UBN2: variants seen among roughly 807,000 people sequenced by gnomAD.
UBN2 encodes ubinuclein-2.
UBN2 carries 35 observed loss-of-function variants against 120.2 expected under a neutral mutation model. The observed-to-expected ratio is 0.29, with a 90% CI of 0.22 to 0.39. The LOEUF is 0.39. Ranked by LOEUF, UBN2 falls within the 10% of genes least tolerant of loss-of-function variation. The pLI is 1.00. For missense variants in UBN2, 1,693 were observed against 1,663.2 expected (o/e 1.02, Z -0.31); for synonymous variants, 661 against 648.7 (o/e 1.02, Z -0.29).
chr7:139,327,291 C>A, the UBN2 span, among the ~76,000 whole-genome samples: 1 of 152,192 alleles, frequency 6.6e-6, no homozygotes, highest in African/African-American at 2.4e-5. Context: ...CCTCAGCCTC[C>A]CAAAGTGCTG....
chr7:139,273,549 A>G (rs1041693720), intron 10 of UBN2, 139 bp downstream of exon 10: 1 of 569,652 alleles, frequency 1.8e-6, no homozygotes, highest in East Asian at 2.9e-5. Flanking sequence ...TCAAGAGAAG[A>G]TTAATTGGGC....
At position 139,293,202 on chromosome 7, in the gene UBN2, T is replaced by C. The variant is rs1311453655; in HGVS notation, c.3670-30T>C. The C allele has an allele frequency of 7.0e-6, 11 of 1,577,018 alleles. No individual in the cohort carries two copies. In the South Asian group the frequency reaches 1.2e-4, roughly 17 times the overall value. ...AATCAATTTGGGTTGCTTTATTTCT[T>C]ATGTATTTTGACCCCTGGTTTCTGC... On this transcript the variant is annotated intron_variant, in intron 15 of 17. Coordinates refer to ENST00000473989, the MANE Select transcript of UBN2 (RefSeq NM_173569.4).
the UBN2 span, among the ~76,000 whole-genome samples, chr7:139,316,448 A>G: frequency 6.6e-6 from 1 of 152,234 alleles, no homozygotes; most frequent in East Asian, 1.9e-4. Flanking sequence ...GTAATTTTCT[A>G]GGTTCTTTTC....
At chr7:139,308,662 T>A (rs1156273106), downstream of UBN2, among the ~76,000 whole-genome samples, 2 of 152,142 alleles carry the variant, frequency 1.3e-5, no homozygotes, top group Non-Finnish European at 2.9e-5. Flanking sequence ...AGTCCTTGAT[T>A]GTGACTCACT....
intron 7 of UBN2, among the ~76,000 whole-genome samples, chr7:139,267,788 G>A (rs1797144615): frequency 6.6e-6 from 1 of 152,168 alleles, no homozygotes; most frequent in African/African-American, 2.4e-5. Flanking sequence ...TGGCAGAGGA[G>A]TTTCTCATTT....
chr7:139,241,060 C>A (rs774630924), intron 2 of UBN2, among the ~76,000 whole-genome samples: 5 of 152,120 alleles, frequency 3.3e-5, no homozygotes, highest in African/African-American at 4.8e-5. Flanking sequence ...TCTTGGTTTC[C>A]AATTCAGTTT....
intron 7 of UBN2, among the ~76,000 whole-genome samples, chr7:139,268,668 C>G (rs944985391): frequency 1.3e-5 from 2 of 152,148 alleles, no homozygotes; most frequent in Non-Finnish European, 2.9e-5. Flanking sequence ...GTTGCCCAGC[C>G]TGGAGCAGTG....
In UBN2 at chr7:139,231,716, AG is replaced by A; in HGVS notation, c.233del (p.Ser78ThrfsTer108). On this transcript the variant is annotated frameshift_variant, in exon 1 of 18. Transcript: ENST00000473989. LOFTEE classifies it high-confidence loss of function. ...GAAGCCGCTCCCCCAGCGCGAGGTCAGCCGCGCCGAGCCGCCCATGTCGCTG... is the reference window on the plus strand; with the variant it reads ...GAAGCCGCTCCCCCAGCGCGAGGTCACCGCGCCGAGCCGCCCATGTCGCTG... The part of the protein sequence containing the change: ...REKPLPQREV[S>X]RAEPPMSLQR... 1 of 1,177,698 alleles carries A rather than the reference AG, an allele frequency of 8.5e-7. No homozygotes were observed. The highest frequency in any genetic ancestry group is 1.0e-6 in the Non-Finnish European group (1 of 956,870). 73.0% of individuals were successfully genotyped at this position (1,177,698 alleles called of 1,614,324 possible).
At chr7:139,295,155 G>GC (rs1309798724) in intron 17 of UBN2, among the ~76,000 whole-genome samples, 1 of 150,860 alleles carries the variant, frequency 6.6e-6, no homozygotes, top group African/African-American at 2.4e-5. Context: ...TAACCACAGT[G>GC]CAGAGATGGG....
At chr7:139,289,702 G>A (rs898326518) in intron 15 of UBN2, among the ~76,000 whole-genome samples, 5 of 151,824 alleles carry the variant, frequency 3.3e-5, no homozygotes, top group Admixed American at 2.6e-4. Context: ...GTGAACCATC[G>A]CACCTGGCCC....
At chr7:139,233,239 T>C (rs1796076052) in intron 1 of UBN2, among the ~76,000 whole-genome samples, 1 of 152,234 alleles carries the variant, frequency 6.6e-6, no homozygotes, top group Non-Finnish European at 1.5e-5. Flanking sequence ...GAGATCATTT[T>C]GGTCACTTCC....
intron 2 of UBN2, among the ~76,000 whole-genome samples, chr7:139,244,142 A>G (rs865827774): frequency 5.3e-5 from 8 of 152,306 alleles, no homozygotes; most frequent in Middle Eastern, 3.4e-3. Context: ...CCAGAGAGCT[A>G]TGTGTATGTG....
intron 2 of UBN2, among the ~76,000 whole-genome samples, chr7:139,247,161 A>C (rs1008458765): frequency 1.3e-5 from 2 of 152,066 alleles, no homozygotes; most frequent in Non-Finnish European, 2.9e-5. Flanking sequence ...AAAGGAAAAA[A>C]AAAAAACAAA....
rs547807342 is a variant in UBN2, at chr7:139,306,648, C to T, written c.*8812C>T. The T allele has an allele frequency of 2.6e-5, 4 of 152,328 alleles. No individual in the cohort carries two copies. The highest frequency in any genetic ancestry group is 7.2e-5 in the African/African-American group (3 of 41,568). The allele number at this position is 152,328 out of a possible 1,614,324, so 9.4% of individuals were successfully genotyped here. A position where few individuals can be genotyped will look rare whatever the true frequency, so the allele number is the denominator to read the frequency against. On this transcript the variant is annotated 3_prime_UTR_variant, in exon 18 of 18. Coordinates refer to ENST00000473989, the MANE Select transcript of UBN2 (RefSeq NM_173569.4). ...CCAGAGAAAAGATTCAAGCTTTGCA[C>T]TGCCCTTTTGTTGATTGTCATTGAA...
Position 139,304,357 on chromosome 7 carries a change from C to G in UBN2, c.*6521C>G, listed in dbSNP as rs1798320764. ...TCAGGGTAGAAGGAAACATGTTTTC[C>G]CCAGCTCCCAGGAGGAGACGAAGAT... On this transcript the variant is annotated 3_prime_UTR_variant, in exon 18 of 18. Transcript: ENST00000473989. 6.6e-6 allele frequency: 1 copy of G among 152,052 alleles called. No homozygotes were observed. The highest frequency in any genetic ancestry group is 1.5e-5 in the Non-Finnish European group (1 of 68,022). 9.4% of individuals were successfully genotyped at this position (152,052 alleles called of 1,614,324 possible).
At chr7:139,328,474 G>A in the UBN2 span, among the ~76,000 whole-genome samples, 34 of 152,068 alleles carry the variant, frequency 2.2e-4, no homozygotes, top group Non-Finnish European at 4.3e-4. Context: ...CCATATCAGG[G>A]GCCACAGCTA....
At chr7:139,325,901 A>G in the UBN2 span, among the ~76,000 whole-genome samples, 1 of 152,062 alleles carries the variant, frequency 6.6e-6, no homozygotes, top group Non-Finnish European at 1.5e-5. Flanking sequence ...AGTTAAAAAC[A>G]TGGGCATTGC....
chr7:139,304,225 T>C lies in UBN2; in HGVS notation c.*6389T>C, dbSNP rs749164345. The C allele has an allele frequency of 2.6e-5, 4 of 152,126 alleles. No individual in the cohort carries two copies. The highest frequency in any genetic ancestry group is 5.9e-5 in the Non-Finnish European group (4 of 68,038). 9.4% of individuals were successfully genotyped at this position (152,126 alleles called of 1,614,324 possible). ...GTAGCCATTGCACCTTTGTAATTCA[T>C]GCTTCTTCAACCCATGAAAGAGGTG... is the stretch of plus-strand genomic sequence containing the variant. On this transcript the variant is annotated 3_prime_UTR_variant, in exon 18 of 18. Transcript: ENST00000473989.
chr7:139,260,685 G>T (rs964650382), intron 5 of UBN2, among the ~76,000 whole-genome samples: 1 of 152,132 alleles, frequency 6.6e-6, no homozygotes, highest in Admixed American at 6.6e-5. Flanking sequence ...CAGTCATTAA[G>T]AAATTAGGAG....
Sources: allele counts gnomAD v4.1 joint callset (sites outside exome capture counted in the v4.1 genomes callset), GRCh38; gene constraint gnomAD v4.1.1; transcripts MANE v1.5; gene names NCBI Gene and HGNC (gene_info 2026-07-23, HGNC 2026-07-21).